Variants in C4orf54 observed in about 807,000 individuals in gnomAD.
The protein encoded by C4orf54 is uncharacterized protein C4orf54.
Under a neutral mutation model 80.1 loss-of-function variants are expected in C4orf54, and 67 were observed. The ratio of observed to expected loss-of-function variants is 0.84; its 90% confidence interval spans 0.69 to 1.03. The LOEUF (loss-of-function observed/expected upper bound fraction) is 1.03, where lower values mean the gene tolerates loss of function less well. C4orf54 is among the 50% of genes least tolerant of loss of function. The probability of loss-of-function intolerance (pLI) is 0.00; values close to 1 mark genes in which losing one functional copy is unlikely to be tolerated. For synonymous variants in C4orf54, 1,000 were observed against 917.0 expected (o/e 1.09, Z -1.64); for missense variants, 2,434 against 2,253.5 (o/e 1.08, Z -1.62).
chr4:99,645,410 T>TAAAAAA (rs70958324), intron 2 of C4orf54, among the ~76,000 whole-genome samples: 1,955 of 55,398 alleles, frequency 0.035, 33 homozygotes, highest in African/African-American at 0.073. Context: ...AGGCTTACAG[T>TAAAAAA]AAAAAAAAAA....
intron 1 of C4orf54, among the ~76,000 whole-genome samples, chr4:99,656,274 A>G (rs1210773202): frequency 2.0e-5 from 3 of 151,394 alleles, no homozygotes; most frequent in Non-Finnish European, 2.9e-5. Context: ...GTTTTTTTTT[A>G]TCTTAGTTTT....
chr4:99,650,716 C>T lies in C4orf54; in HGVS notation c.3933G>A (p.Lys1311=), dbSNP rs1181252541. 6 of 1,536,156 alleles carry T rather than the reference C, an allele frequency of 3.9e-6. No individual in the cohort carries two copies. The highest frequency in any genetic ancestry group is 2.0e-5 in the Admixed American group (1 of 50,998). ...CCACCTCACCCAGCCGTTTGGACAG[C>T]TTGTCGTGGTCTCCATCAGCAACCA... is the stretch of plus-strand genomic sequence containing the variant. ...GVVVADGDHD[K]LSKRLGEVEE... The change falls in exon 2 of 3, where the codon AAG becomes AAA. Residue 1311 remains lysine, a synonymous_variant. Transcript: ENST00000511828.
intron 2 of C4orf54, among the ~76,000 whole-genome samples, chr4:99,647,372 G>A (rs1726717778): frequency 6.6e-6 from 1 of 152,160 alleles, no homozygotes; most frequent in Non-Finnish European, 1.5e-5. Context: ...CACACCACCT[G>A]TCTAAGCGAT....
At position 99,638,006 on chromosome 4, in the gene C4orf54, C is replaced by T. The variant is rs1329709093; in HGVS notation, c.*3227G>A. 1 of 152,122 alleles carries T rather than the reference C, an allele frequency of 6.6e-6. No homozygotes were observed. Among genetic ancestry groups the T allele is most frequent in the African/African-American group, 2.4e-5 (1 of 41,432 alleles). 9.4% of individuals were successfully genotyped at this position (152,122 alleles called of 1,614,324 possible). A position where few individuals can be genotyped will look rare whatever the true frequency, so the allele number is the denominator to read the frequency against. On this transcript the variant is annotated 3_prime_UTR_variant, in exon 3 of 3. Coordinates refer to ENST00000511828, the MANE Select transcript of C4orf54 (RefSeq NM_001354435.2). Reference sequence around the variant, plus strand: ...GCATTCAATTTGTAGCAAACACAGACTTTGATTTCTATGAAGTATGAAAAC... The same window carrying T: ...GCATTCAATTTGTAGCAAACACAGATTTTGATTTCTATGAAGTATGAAAAC...
chr4:99,653,224 G>T lies in C4orf54; in HGVS notation c.1425C>A (p.Asp475Glu). The change falls in exon 2 of 3, where the codon GAC becomes GAA. Residue 475 changes from aspartate to glutamate, a missense_variant. By Grantham distance (45) the Asp-to-Glu change is conservative. Coordinates refer to ENST00000511828, the MANE Select transcript of C4orf54 (RefSeq NM_001354435.2). ...CAGTGGGTGGGGGAGTGGGGCCACT[G>T]TCAGAGGGGCCACTGCCCACTTCGG... ...SSTEVGSGPS[D>E]SGPTPPPTGP... 6.5e-7 allele frequency: 1 copy of T among 1,534,458 alleles called. No homozygotes were observed. Among genetic ancestry groups the T allele is most frequent in the Non-Finnish European group, 8.7e-7 (1 of 1,145,726 alleles).
intron 1 of C4orf54, among the ~76,000 whole-genome samples, chr4:99,656,471 G>C (rs1244250025): frequency 6.6e-6 from 1 of 151,988 alleles, no homozygotes; most frequent in Non-Finnish European, 1.5e-5. Flanking sequence ...GTAGAGATGG[G>C]GTTTCACCAT....
At position 99,653,463 on chromosome 4, in the gene C4orf54, C is replaced by A; in HGVS notation, c.1186G>T (p.Asp396Tyr). 6.5e-7 allele frequency: 1 copy of A among 1,536,124 alleles called. No individual in the cohort carries two copies. The highest frequency in any genetic ancestry group is 8.7e-7 in the Non-Finnish European group (1 of 1,146,912). Residue 396 changes from aspartate to tyrosine, a missense_variant, in exon 2 of 3, where the codon GAC (aspartate) becomes TAC (tyrosine). Transcript: ENST00000511828. ...VGLASRWDFE[D>Y]NNVIYSFVDY... ...ACGAACGAGTAGATCACGTTGTTGT[C>A]CTCGAAATCCCAGCGGGAGGCCAGT...
At chr4:99,644,936 T>C (rs1726675153) in intron 2 of C4orf54, among the ~76,000 whole-genome samples, 1 of 148,254 alleles carries the variant, frequency 6.7e-6, no homozygotes, top group Non-Finnish European at 1.5e-5. Context: ...GAGAGACTAG[T>C]GGGACAGACA....
rs1014328201 is a variant in C4orf54, at chr4:99,639,650, G to A, written c.*1583C>T. The A allele has an allele frequency of 3.3e-5, 5 of 152,016 alleles. No homozygotes were observed. Among genetic ancestry groups the A allele is most frequent in the Non-Finnish European group, 2.9e-5 (2 of 67,982 alleles). 9.4% of individuals were successfully genotyped at this position (152,016 alleles called of 1,614,324 possible). ...GCCTCAAACCTTTCCCTATACCCAA[G>A]AGAACTTTTTTTCAGAGTAAGATCC... On this transcript the variant is annotated 3_prime_UTR_variant, in exon 3 of 3. Transcript: ENST00000511828.
rs911952817 is a variant in C4orf54 at position 99,652,095 on chromosome 4, G to A, written c.2554C>T (p.Arg852Cys). 9 of 1,536,040 alleles carry A rather than the reference G, an allele frequency of 5.9e-6. No individual in the cohort carries two copies. In the African/African-American group the frequency reaches 6.8e-5, roughly 12 times the overall value. The change falls in exon 2 of 3, where the codon CGC (arginine) becomes TGC (cysteine). Residue 852 changes from arginine (R) to cysteine (C), a missense_variant. Physicochemically the swap from Arg to Cys is radical, Grantham distance 180. Transcript: ENST00000511828. ...CTCTCTCGCTGCCTCTCGCTCCCGC[G>A]GGCGCCCTCCGTCTCCTTGGAGGTG... is the stretch of plus-strand genomic sequence containing the variant. ...SGTSKETEGA[R>C]GSERQRERGL...
intron 1 of C4orf54, among the ~76,000 whole-genome samples, chr4:99,657,020 C>T (rs769217916): frequency 6.6e-6 from 1 of 152,210 alleles, no homozygotes; most frequent in Non-Finnish European, 1.5e-5. Context: ...ACATTATGTA[C>T]TCAGGGATTA....
In C4orf54 at chr4:99,653,344, G is replaced by A. The variant is rs1286881831; in HGVS notation, c.1305C>T (p.Thr435=). 6.5e-6 allele frequency: 10 copies of A among 1,535,278 alleles called. No homozygotes were observed. In the Admixed American group the frequency reaches 1.2e-4, roughly 18 times the overall value. The change falls in exon 2 of 3, where the codon ACC becomes ACT. Residue 435 remains threonine (T), a synonymous_variant. Coordinates refer to ENST00000511828, the MANE Select transcript of C4orf54 (RefSeq NM_001354435.2). ...EDDDNSCYLS[T]TPSTNTTRTP... is the part of the protein sequence containing the mutation. ...TCCGGGTGGTGTTGGTGCTGGGAGT[G>A]GTGCTGAGGTAGCAGCTGTTGTCGT... is the stretch of plus-strand genomic sequence containing the variant.
chr4:99,656,749 G>A (rs1031543381), intron 1 of C4orf54, among the ~76,000 whole-genome samples: 1 of 152,210 alleles, frequency 6.6e-6, no homozygotes, highest in African/African-American at 2.4e-5. Context: ...CCTTATAGAT[G>A]GAAAAGCTGA....
chr4:99,654,835 A>T (rs1172790504), intron 1 of C4orf54, among the ~76,000 whole-genome samples, 156 bp from the exon 2 acceptor site: 1 of 152,218 alleles, frequency 6.6e-6, no homozygotes, highest in Non-Finnish European at 1.5e-5. Context: ...TTCTAATTCA[A>T]ATCAGCCAAA....
In C4orf54 at chr4:99,651,160, T is replaced by A. The variant is rs1206713461; in HGVS notation, c.3489A>T (p.Glu1163Asp). 1 of 1,536,134 alleles carries A rather than the reference T, an allele frequency of 6.5e-7. No homozygotes were observed. The highest frequency in any genetic ancestry group is 8.7e-7 in the Non-Finnish European group (1 of 1,146,896). ...CCCTGGGCTCTCGGTCCATGCTGTCTTCCCTCTGGTTCACTACAGCCTGGC... is the reference window on the plus strand; with the variant it reads ...CCCTGGGCTCTCGGTCCATGCTGTCATCCCTCTGGTTCACTACAGCCTGGC... ...ITCQAVVNQR[E>D]DSMDREPRES... The change falls in exon 2 of 3, where the codon GAA (glutamate) becomes GAT (aspartate). Residue 1163 changes from glutamate (E) to aspartate (D), a missense_variant. Physicochemically the swap from Glu to Asp is conservative, Grantham distance 45. Coordinates refer to ENST00000511828, the MANE Select transcript of C4orf54 (RefSeq NM_001354435.2).
chr4:99,652,427 A>G lies in C4orf54; in HGVS notation c.2222T>C (p.Val741Ala). The G allele has an allele frequency of 6.5e-7, 1 of 1,535,666 alleles. No individual in the cohort carries two copies. The highest frequency in any genetic ancestry group is 2.4e-5 in the East Asian group (1 of 40,868). ...VETPLCFQKQ[V>A]QTGSRVVTLL... ...GGTGACGACGCGGGAGCCCGTCTGG[A>G]CCTGCTTCTGGAAACACAGGGGCGT... Residue 741 changes from valine (V) to alanine (A), a missense_variant, in exon 2 of 3, where the codon GTC (valine) becomes GCC (alanine). Physicochemically the swap from Val to Ala is moderately conservative, Grantham distance 64 (BLOSUM62 0). Coordinates refer to ENST00000511828, the MANE Select transcript of C4orf54 (RefSeq NM_001354435.2).
At position 99,652,830 on chromosome 4, in the gene C4orf54, T is replaced by A. The variant is rs748809004; in HGVS notation, c.1819A>T (p.Ser607Cys). ...IRAKELVDYSSGASSAVSELD... is the reference protein window; with the variant it reads ...IRAKELVDYSCGASSAVSELD... The stretch of plus-strand genomic sequence containing the variant: ...TCGCTCACGGCACTGGAGGCTCCGC[T>A]GGAGTAGTCCACCAGCTCCTTCGCC... Residue 607 changes from serine to cysteine, a missense_variant, in exon 2 of 3, where the codon AGC becomes TGC. Coordinates refer to ENST00000511828, the MANE Select transcript of C4orf54 (RefSeq NM_001354435.2). The A allele has an allele frequency of 1.9e-4, 289 of 1,535,984 alleles. No homozygotes were observed. The highest frequency in any genetic ancestry group is 1.8e-4 in the Non-Finnish European group (202 of 1,146,900).
intron 2 of C4orf54, among the ~76,000 whole-genome samples, chr4:99,646,020 A>G (rs191426992): frequency 1.2e-4 from 18 of 152,180 alleles, no homozygotes; most frequent in Admixed American, 3.3e-4. Context: ...AGAAAACCCC[A>G]CCTATAATTT....
chr4:99,642,440 C>CG (rs574885104), intron 2 of C4orf54, among the ~76,000 whole-genome samples: 5 of 152,164 alleles, frequency 3.3e-5, no homozygotes, highest in African/African-American at 1.2e-4. Context: ...CACTATAGGA[C>CG]GGTAATAGTC....
Sources: allele counts gnomAD v4.1 joint callset (sites outside exome capture counted in the v4.1 genomes callset), GRCh38; gene constraint gnomAD v4.1.1; transcripts MANE v1.5; gene names NCBI Gene and HGNC (gene_info 2026-07-23, HGNC 2026-07-21).